USP30: variants seen among roughly 807,000 people sequenced by gnomAD.
USP30 encodes the protein ubiquitin specific peptidase 30.
In USP30, 41 loss-of-function variants were observed where a neutral mutation model predicts 68.2. That is an observed-to-expected ratio of 0.60 (90% CI 0.47 to 0.78). The LOEUF is 0.78. Ranked by LOEUF, USP30 falls within the 30% of genes least tolerant of loss-of-function variation. The pLI, the probability that USP30 is intolerant of heterozygous loss-of-function variation, is 0.00. For missense variants in USP30, 522 were observed against 649.4 expected, an observed-to-expected ratio of 0.80 and a Z score of 2.13; for synonymous variants, 229 against 253.7, an observed-to-expected ratio of 0.90 and a Z score of 0.93.
chr12:109,053,252 CT>C (rs1179419314), intron 1 of USP30, among the ~76,000 whole-genome samples: 1 of 152,202 alleles, frequency 6.6e-6, no homozygotes, highest in Admixed American at 6.5e-5. Flanking sequence ...GTACCGCCCC[CT>C]ATTCCTGTTA....
intron 8 of USP30, chr12:109,081,723 G>A: frequency 1.6e-6 from 1 of 617,586 alleles, no homozygotes; most frequent in Non-Finnish European, 2.8e-6. Context: ...AGTTCGTGCA[G>A]TTACATCCTC....
intron 7 of USP30, among the ~76,000 whole-genome samples, chr12:109,079,333 CTTTTTCT>C (rs2041712002): frequency 2.9e-5 from 1 of 34,578 alleles, no homozygotes; most frequent in African/African-American, 9.9e-5. Flanking sequence ...TTTTTCTTTT[CTTTTTCT>C]TTTTTTTTTT....
At chr12:109,073,082 T>A (rs2135783280) in intron 6 of USP30, among the ~76,000 whole-genome samples, 1 of 152,372 alleles carries the variant, frequency 6.6e-6, no homozygotes, top group Non-Finnish European at 1.5e-5. Flanking sequence ...TCTGTTTATT[T>A]CAGAAGATTT....
At chr12:109,081,162 A>G (rs915177481) in intron 7 of USP30, among the ~76,000 whole-genome samples, 172 bp from the exon 8 acceptor site, 3 of 152,216 alleles carry the variant, frequency 2.0e-5, no homozygotes, top group African/African-American at 4.8e-5. Flanking sequence ...TCTTATGTGT[A>G]CAAGGTTGTT....
At chr12:109,045,230 C>T (rs965109363) in intron 3 of USP30, among the ~76,000 whole-genome samples, 1 of 152,148 alleles carries the variant, frequency 6.6e-6, no homozygotes, top group African/African-American at 2.4e-5. Flanking sequence ...CCACCCGCCT[C>T]GGCCTCCCAA....
chr12:109,048,029 C>T (rs1032118988), upstream of USP30, among the ~76,000 whole-genome samples: 8 of 151,394 alleles, frequency 5.3e-5, no homozygotes, highest in South Asian at 8.4e-4. Context: ...TTCCAGAGGC[C>T]GTACAATGAG....
intron 2 of USP30, among the ~76,000 whole-genome samples, chr12:109,057,719 C>T (rs2040919773): frequency 6.6e-6 from 1 of 152,190 alleles, no homozygotes; most frequent in East Asian, 1.9e-4. Flanking sequence ...GGGGACCTGT[C>T]CTTCTGTGCT....
rs577452748 is a variant in USP30, at chr12:109,087,897, T to G, written c.*1966T>G. 117 of 187,298 alleles carry G rather than the reference T, an allele frequency of 6.2e-4. No individual in the cohort carries two copies. Among genetic ancestry groups the G allele is most frequent in the Non-Finnish European group, 1.2e-3 (106 of 91,800 alleles). The allele number at this position is 187,298 out of a possible 1,614,324, so 11.6% of individuals were successfully genotyped here. On this transcript the variant is annotated 3_prime_UTR_variant, in exon 13 of 13. Coordinates refer to ENST00000257548, the MANE Select transcript of USP30 (RefSeq NM_032663.5). Reference sequence around the variant, plus strand: ...TTTTATTTTCAAAGTAAGTAGCTTCTTTTGGGAAAAACCTAAGTTAAACTA... The same window carrying G: ...TTTTATTTTCAAAGTAAGTAGCTTCGTTTGGGAAAAACCTAAGTTAAACTA...
chr12:109,035,068 G>A (rs1338948461), intron 3 of USP30, among the ~76,000 whole-genome samples: 1 of 151,860 alleles, frequency 6.6e-6, no homozygotes, highest in African/African-American at 2.4e-5. Flanking sequence ...TTTTCACTTT[G>A]CCAATCTCTG....
In USP30 at chr12:109,047,169, ATT is replaced by A. The variant is rs11351379; in HGVS notation, c.-135-410_-135-409del. On this transcript the variant is annotated intron_variant, in intron 3 of 15. Transcript: ENST00000392784. The stretch of plus-strand genomic sequence containing the variant: ...TAGTGTGAACAACAGAGGTGGATGC[ATT>A]TTTTTTTTTTAACCGAGGAAACCCT... Among the ~76,000 whole-genome samples, 285 of 150,264 alleles carry A rather than the reference ATT, an allele frequency of 1.9e-3. 1 individual carries two copies. The highest frequency in any genetic ancestry group is 3.5e-3 in the Middle Eastern group (1 of 288).
At chr12:109,059,333 G>A (rs570712749) in intron 3 of USP30, among the ~76,000 whole-genome samples, 1 of 151,398 alleles carries the variant, frequency 6.6e-6, no homozygotes, top group Non-Finnish European at 1.5e-5. Context: ...TAGCTGGGAT[G>A]ACAGGTCTGT....
chr12:109,042,519 C>T (rs1052024922), intron 3 of USP30, among the ~76,000 whole-genome samples: 14 of 152,114 alleles, frequency 9.2e-5, no homozygotes, highest in South Asian at 2.1e-4. Flanking sequence ...CCTAACAATA[C>T]GGAAAGAGCT....
rs745408997 is a variant in USP30, at chr12:109,042,867, A to G, written c.-135-4723A>G. Among the ~76,000 whole-genome samples the G allele has an allele frequency of 2.0e-5, 3 of 152,202 alleles. No homozygotes were observed. In the South Asian group the frequency reaches 6.2e-4, roughly 31 times the overall value. On this transcript the variant is annotated intron_variant, in intron 3 of 15. Transcript: ENST00000392784. ...GCAGAAAACCTTAAAGAGTCCAGAA[A>G]AAAGCTGTTAGAACTAATAAATTAA...
At chr12:109,048,079 T>TA (rs2040622080), upstream of USP30, among the ~76,000 whole-genome samples, 1 of 118,700 alleles carries the variant, frequency 8.4e-6, no homozygotes, top group African/African-American at 4.1e-5. Context: ...GAATGCCTAC[T>TA]TTTTTTTTTT....
intron 7 of USP30, among the ~76,000 whole-genome samples, chr12:109,080,477 C>G (rs2041765029): frequency 1.3e-5 from 2 of 152,220 alleles, no homozygotes; most frequent in Non-Finnish European, 1.5e-5. Flanking sequence ...CCAATCTACC[C>G]AAGCACCTCT....
At chr12:109,084,580 C>A (rs764751481) in intron 11 of USP30, among the ~76,000 whole-genome samples, 8 of 152,192 alleles carry the variant, frequency 5.3e-5, no homozygotes, top group Non-Finnish European at 1.0e-4. Context: ...GCCCCCGCAA[C>A]AAAGAATGAT....
Position 109,052,601 on chromosome 12 carries a change from G to A in USP30, c.-78G>A. On this transcript the variant is annotated 5_prime_UTR_variant, in exon 1 of 13. Coordinates refer to ENST00000257548, the MANE Select transcript of USP30 (RefSeq NM_032663.5). ...GCGGCCGCAGGTTCCGCTGTCTCGG[G>A]AACCGTCGTATCCCTCGGTCCGGCG... The A allele has an allele frequency of 7.3e-7, 1 of 1,368,932 alleles. No individual in the cohort carries two copies. The highest frequency in any genetic ancestry group is 9.5e-7 in the Non-Finnish European group (1 of 1,055,312). 84.8% of individuals were successfully genotyped at this position (1,368,932 alleles called of 1,614,324 possible). A position where few individuals can be genotyped will look rare whatever the true frequency, so the allele number is the denominator to read the frequency against.
chr12:109,065,017 TA>T (rs913809427), intron 3 of USP30, among the ~76,000 whole-genome samples: 2 of 152,272 alleles, frequency 1.3e-5, no homozygotes, highest in Admixed American at 1.3e-4. Context: ...ACTTTATTAT[TA>T]TTTTTTTAAG....
chr12:109,031,220 T>G (rs1436589543), intron 3 of USP30, among the ~76,000 whole-genome samples: 4 of 152,254 alleles, frequency 2.6e-5, no homozygotes, highest in African/African-American at 9.6e-5. Flanking sequence ...AAATGGCATA[T>G]TACATAAAAC....
Sources: allele counts gnomAD v4.1 joint callset (sites outside exome capture counted in the v4.1 genomes callset), GRCh38; gene constraint gnomAD v4.1.1; transcripts MANE v1.5; gene names NCBI Gene and HGNC (gene_info 2026-07-23, HGNC 2026-07-21).